KCNAB1: variants seen among roughly 807,000 people sequenced by gnomAD.
The protein encoded by KCNAB1 is potassium voltage-gated channel subfamily A regulatory beta subunit 1, also known as voltage-gated potassium channel subunit beta-1.
Under a neutral mutation model 64.6 loss-of-function variants are expected in KCNAB1, and 35 were observed. That is an observed-to-expected ratio of 0.54 (90% confidence interval 0.41 to 0.72). KCNAB1 has a LOEUF of 0.72. Among genes scored for constraint, KCNAB1 ranks in the 30% least tolerant of loss-of-function variants. The probability of loss-of-function intolerance (pLI) is 0.00; values close to 1 mark genes in which losing one functional copy is unlikely to be tolerated. For missense variants in KCNAB1, 401 were observed against 512.9 expected (o/e 0.78, Z 2.11); for synonymous variants, 177 against 183.8 (o/e 0.96, Z 0.30).
intron 1 of KCNAB1, among the ~76,000 whole-genome samples, chr3:156,404,418 T>C (rs1413710524): frequency 6.6e-6 from 1 of 152,188 alleles, no homozygotes; most frequent in African/African-American, 2.4e-5. Flanking sequence ...ATTGTTCCCC[T>C]TGACAGCATA....
Position 156,355,163 on chromosome 3 carries a change from G to A in KCNAB1, c.276-66453G>A, listed in dbSNP as rs531897290. On this transcript the variant is annotated intron_variant, in intron 1 of 13. Coordinates refer to ENST00000490337, the MANE Select transcript of KCNAB1 (RefSeq NM_172160.3). The stretch of plus-strand genomic sequence containing the variant: ...ACAAATGGATCCTGCAGTGTAATTT[G>A]TTTAAGATTTTTTAAAGTATATTCA... Among the ~76,000 whole-genome samples, 7 of 152,234 alleles carry A rather than the reference G, an allele frequency of 4.6e-5. No individual in the cohort carries two copies. In the South Asian group the frequency reaches 1.0e-3, roughly 23 times the overall value.
chr3:156,370,453 A>G (rs565510012), intron 1 of KCNAB1, among the ~76,000 whole-genome samples: 102 of 152,346 alleles, frequency 6.7e-4, no homozygotes, highest in Non-Finnish European at 1.0e-4. Flanking sequence ...CATAATACCA[A>G]AAGTCCAGTG....
chr3:156,472,942 A>G (rs1023345581), intron 7 of KCNAB1, among the ~76,000 whole-genome samples: 1 of 152,182 alleles, frequency 6.6e-6, no homozygotes, highest in African/African-American at 2.4e-5. Context: ...AACAGTGCCA[A>G]GTTATTTGTA....
rs758257929 is a variant in KCNAB1 at position 156,465,687 on chromosome 3, G to T, written c.571+1G>T. The T allele has an allele frequency of 6.2e-7, 1 of 1,611,922 alleles. No individual in the cohort carries two copies. Among genetic ancestry groups the T allele is most frequent in the African/African-American group, 1.3e-5 (1 of 74,986 alleles). ...CTGTCAAGAAAGCATATTATTGAAGGTGGGTACTTCTGCTTCAATTTTATT... is the reference window on the plus strand; with the variant it reads ...CTGTCAAGAAAGCATATTATTGAAGTTGGGTACTTCTGCTTCAATTTTATT... On this transcript the variant is annotated splice_donor_variant, in intron 7 of 13. Transcript: ENST00000490337. LOFTEE classifies it high-confidence loss of function.
chr3:156,386,847 G>T (rs1712632796), intron 1 of KCNAB1, among the ~76,000 whole-genome samples: 1 of 152,082 alleles, frequency 6.6e-6, no homozygotes, highest in Non-Finnish European at 1.5e-5. Context: ...GAGCAAATGG[G>T]AGAGGTCCCA....
intron 1 of KCNAB1, among the ~76,000 whole-genome samples, chr3:156,221,421 A>G (rs573834622): frequency 6.6e-6 from 1 of 152,324 alleles, no homozygotes; most frequent in East Asian, 1.9e-4. Context: ...ATTTCTCAGC[A>G]GAAACCATAG....
chr3:156,440,946 A>G (rs1035037959), intron 2 of KCNAB1, among the ~76,000 whole-genome samples: 1 of 151,970 alleles, frequency 6.6e-6, no homozygotes, highest in African/African-American at 2.4e-5. Context: ...CTCAGTTTTA[A>G]TTTTTCTGTA....
chr3:156,290,922 A>G, intron 1 of KCNAB1: 1 of 967,216 alleles, frequency 1.0e-6, no homozygotes, highest in South Asian at 4.8e-5. Flanking sequence ...AGGAACTCTG[A>G]CAAGGCTAAT....
intron 13 of KCNAB1, among the ~76,000 whole-genome samples, chr3:156,532,366 T>C (rs1718759529): frequency 6.6e-6 from 1 of 152,180 alleles, no homozygotes; most frequent in Admixed American, 6.5e-5. Flanking sequence ...GAGCCTATCC[T>C]ACTCTCAACC....
At chr3:156,357,165 A>AGTG (rs1725307648) in intron 1 of KCNAB1, among the ~76,000 whole-genome samples, 2 of 151,616 alleles carry the variant, frequency 1.3e-5, no homozygotes, top group Non-Finnish European at 2.9e-5. Flanking sequence ...GCGCGCACAC[A>AGTG]CACACACACA....
intron 1 of KCNAB1, among the ~76,000 whole-genome samples, chr3:156,314,180 T>A (rs1264814701): frequency 1.3e-5 from 2 of 152,260 alleles, no homozygotes; most frequent in Non-Finnish European, 1.5e-5. Context: ...TGCTATATAC[T>A]GGGCACAGTT....
At chr3:156,274,134 T>C (rs1257041231) in intron 1 of KCNAB1, among the ~76,000 whole-genome samples, 1 of 152,032 alleles carries the variant, frequency 6.6e-6, no homozygotes, top group East Asian at 1.9e-4. Flanking sequence ...AATGGACAAA[T>C]AGAAAACAAA....
intron 8 of KCNAB1, among the ~76,000 whole-genome samples, chr3:156,511,999 G>T (rs1258165313): frequency 6.6e-6 from 1 of 152,134 alleles, no homozygotes. Context: ...TCACAAGGAT[G>T]GTTCCTTTTT....
At chr3:156,149,077 G>A (rs1430191427) in intron 1 of KCNAB1, among the ~76,000 whole-genome samples, 1 of 152,142 alleles carries the variant, frequency 6.6e-6, no homozygotes, top group Non-Finnish European at 1.5e-5. Context: ...AGAATGAAAT[G>A]AAAAGGACTG....
intron 1 of KCNAB1, among the ~76,000 whole-genome samples, chr3:156,392,899 G>A (rs552166768): frequency 6.6e-6 from 1 of 152,308 alleles, no homozygotes; most frequent in East Asian, 1.9e-4. Flanking sequence ...TCATTAGTGA[G>A]ATTGGTCAGT....
chr3:156,343,236 A>C (rs1306559639), intron 1 of KCNAB1, among the ~76,000 whole-genome samples: 2 of 152,272 alleles, frequency 1.3e-5, no homozygotes, highest in South Asian at 2.1e-4. Flanking sequence ...GAATCTCCTC[A>C]GTTCTTGCTG....
chr3:156,310,441 A>G (rs1165597002), intron 1 of KCNAB1, among the ~76,000 whole-genome samples: 2 of 152,098 alleles, frequency 1.3e-5, no homozygotes, highest in African/African-American at 4.8e-5. Flanking sequence ...GCCCAAAGAG[A>G]TGAGTTTGCA....
At chr3:156,319,595 T>C (rs4680259) in intron 1 of KCNAB1, among the ~76,000 whole-genome samples, 29,647 of 152,182 alleles carry the variant, frequency 0.19, 3,000 homozygotes, top group Middle Eastern at 0.35. Context: ...ACAGTGCTGT[T>C]GATTACCACA....
chr3:156,193,379 A>G (rs1228503629), intron 1 of KCNAB1, among the ~76,000 whole-genome samples: 1 of 152,216 alleles, frequency 6.6e-6, no homozygotes, highest in Non-Finnish European at 1.5e-5. Flanking sequence ...AGATTACAAG[A>G]TACTTATTAT....
Sources: allele counts gnomAD v4.1 joint callset (sites outside exome capture counted in the v4.1 genomes callset), GRCh38; gene constraint gnomAD v4.1.1; transcripts MANE v1.5; gene names NCBI Gene and HGNC (gene_info 2026-07-23, HGNC 2026-07-21).